Variants in IL12RB2 observed in about 807,000 individuals in gnomAD.
IL12RB2 encodes interleukin 12 receptor subunit beta 2, also known as interleukin-12 receptor subunit beta-2.
In IL12RB2, 82 loss-of-function variants were observed where a neutral mutation model predicts 89.4. That is an observed-to-expected ratio of 0.92 (90% confidence interval 0.77 to 1.10). The LOEUF (loss-of-function observed/expected upper bound fraction) is 1.10, where lower values mean the gene tolerates loss of function less well. IL12RB2 is among the 50% of genes least tolerant of loss of function. The probability of loss-of-function intolerance (pLI) is 0.00; values close to 1 mark genes in which losing one functional copy is unlikely to be tolerated. For missense variants in IL12RB2, 963 were observed against 1,031.9 expected (o/e 0.93, Z 0.92); for synonymous variants, 368 against 370.1 (o/e 0.99, Z 0.07).
chr1:67,325,552 G>A (rs909917293), intron 4 of IL12RB2, among the ~76,000 whole-genome samples: 8 of 152,244 alleles, frequency 5.3e-5, no homozygotes, highest in South Asian at 2.1e-4. Flanking sequence ...GTGAGCCACC[G>A]CATCCAGCGA....
At chr1:67,380,252 C>G in intron 14 of IL12RB2, 129 bp downstream of exon 14, 1 of 902,624 alleles carries the variant, frequency 1.1e-6, no homozygotes, top group South Asian at 1.4e-5. Flanking sequence ...TGTCACTTTA[C>G]ACTTGCTGTT....
intron 10 of IL12RB2, among the ~76,000 whole-genome samples, chr1:67,352,100 G>C (rs987838488): frequency 6.6e-6 from 1 of 152,046 alleles, no homozygotes; most frequent in Non-Finnish European, 1.5e-5. Flanking sequence ...TCATATATCT[G>C]TACAAAGAAA....
intron 9 of IL12RB2, among the ~76,000 whole-genome samples, chr1:67,345,157 G>A (rs991098576): frequency 6.6e-6 from 1 of 152,134 alleles, no homozygotes; most frequent in African/African-American, 2.4e-5. Flanking sequence ...ACGACAGTGT[G>A]AGACTCCATT....
intron 16 of IL12RB2, among the ~76,000 whole-genome samples, chr1:67,393,360 C>T (rs569673982): frequency 2.6e-5 from 4 of 152,328 alleles, no homozygotes; most frequent in East Asian, 1.9e-4. Flanking sequence ...GGCCTGCCCC[C>T]GAGGACTTGG....
At chr1:67,345,519 T>C (rs2100803224) in intron 9 of IL12RB2, among the ~76,000 whole-genome samples, 1 of 152,366 alleles carries the variant, frequency 6.6e-6, no homozygotes, top group African/African-American at 2.4e-5. Flanking sequence ...ATTTGGGACC[T>C]GATTTATATT....
At chr1:67,374,564 CT>C (rs774733141) in intron 13 of IL12RB2, among the ~76,000 whole-genome samples, 19 of 151,894 alleles carry the variant, frequency 1.3e-4, no homozygotes, top group Non-Finnish European at 1.0e-4. Flanking sequence ...CAACCTCTAC[CT>C]CCCGGGTTCA....
At chr1:67,318,317 G>A (rs770956413) in intron 2 of IL12RB2, among the ~76,000 whole-genome samples, 8 of 152,188 alleles carry the variant, frequency 5.3e-5, no homozygotes, top group Non-Finnish European at 7.3e-5. Flanking sequence ...GTAGGGACCC[G>A]TTGAAGGGTT....
chr1:67,316,550 G>C (rs921579469), intron 2 of IL12RB2, among the ~76,000 whole-genome samples: 1 of 152,118 alleles, frequency 6.6e-6, no homozygotes, highest in Non-Finnish European at 1.5e-5. Flanking sequence ...ACATTTGAGA[G>C]TAAAATCTAG....
intron 14 of IL12RB2, among the ~76,000 whole-genome samples, chr1:67,380,868 C>T (rs1458691361): frequency 6.6e-6 from 1 of 152,158 alleles, no homozygotes; most frequent in Non-Finnish European, 1.5e-5. Flanking sequence ...TATAAGGACA[C>T]CAGTCATATT....
intron 14 of IL12RB2, among the ~76,000 whole-genome samples, chr1:67,384,091 C>G (rs763576493): frequency 6.6e-6 from 1 of 152,226 alleles, no homozygotes; most frequent in African/African-American, 2.4e-5. Context: ...CTAGGCAGTG[C>G]CCAGTGGGGA....
intron 2 of IL12RB2, among the ~76,000 whole-genome samples, chr1:67,315,787 C>T (rs1655680095): frequency 6.6e-6 from 1 of 152,140 alleles, no homozygotes; most frequent in African/African-American, 2.4e-5. Context: ...ATTTCTCATC[C>T]TTGAAGATAA....
At chr1:67,368,948 C>T (rs1278990869) in intron 11 of IL12RB2, among the ~76,000 whole-genome samples, 1 of 152,142 alleles carries the variant, frequency 6.6e-6, no homozygotes, top group Non-Finnish European at 1.5e-5. Flanking sequence ...TGAGACAGAG[C>T]TAATATTTTA....
chr1:67,335,802 T>C (rs1658688679), intron 8 of IL12RB2, among the ~76,000 whole-genome samples: 1 of 152,214 alleles, frequency 6.6e-6, no homozygotes, highest in Non-Finnish European at 1.5e-5. Context: ...GGTCATGAAA[T>C]GTTACACTTT....
intron 1 of IL12RB2, among the ~76,000 whole-genome samples, chr1:67,311,481 G>A (rs1200033429): frequency 6.6e-6 from 1 of 152,164 alleles, no homozygotes. Flanking sequence ...TCAACTTACA[G>A]ATTTTTCTAT....
In IL12RB2 at chr1:67,387,700, C is replaced by CAAAAA. The variant is rs10667103; in HGVS notation, c.1946+1044_1946+1048dup. Among the ~76,000 whole-genome samples, 12 of 100,668 alleles carry CAAAAA rather than the reference C, an allele frequency of 1.2e-4. No individual in the cohort carries two copies. The South Asian group carries it at 1.4e-3, about 11-fold the overall frequency. The allele number at this position is 100,668 out of a possible 152,430, so 66.0% of individuals were successfully genotyped here. On this transcript the variant is annotated intron_variant, in intron 15 of 16. Transcript: ENST00000674203. The stretch of plus-strand genomic sequence containing the variant: ...CCCTGGCAACACAGCAAGACTGTCT[C>CAAAAA]AAAAAAAAAAAAAAAAAGAAAGAAA...
intron 15 of IL12RB2, among the ~76,000 whole-genome samples, chr1:67,386,872 T>TATATA (rs1557476281): frequency 2.1e-5 from 1 of 48,430 alleles, no homozygotes; most frequent in Non-Finnish European, 4.5e-5. Flanking sequence ...GAAATGTATT[T>TATATA]TATATATATA....
At chr1:67,324,250 T>C (rs996347007) in intron 4 of IL12RB2, among the ~76,000 whole-genome samples, 4 of 152,206 alleles carry the variant, frequency 2.6e-5, no homozygotes, top group Non-Finnish European at 5.9e-5. Flanking sequence ...TGAGATGGAA[T>C]CTCAGGCTGT....
At chr1:67,324,963 G>C (rs1027085531) in intron 4 of IL12RB2, among the ~76,000 whole-genome samples, 1 of 152,250 alleles carries the variant, frequency 6.6e-6, no homozygotes, top group Admixed American at 6.5e-5. Flanking sequence ...AATGGAACAA[G>C]AATAGATGTT....
At chr1:67,355,556 G>T (rs1230763369) in intron 10 of IL12RB2, among the ~76,000 whole-genome samples, 1 of 152,098 alleles carries the variant, frequency 6.6e-6, no homozygotes, top group African/African-American at 2.4e-5. Flanking sequence ...AGCCAGTATG[G>T]TCATAAACAC....
Sources: allele counts gnomAD v4.1 joint callset (sites outside exome capture counted in the v4.1 genomes callset), GRCh38; gene constraint gnomAD v4.1.1; transcripts MANE v1.5; gene names NCBI Gene and HGNC (gene_info 2026-07-23, HGNC 2026-07-21).